EFCAB5: variants seen among roughly 807,000 people sequenced by gnomAD.
EFCAB5 encodes the protein EF-hand calcium binding domain 5.
In EFCAB5, 131 loss-of-function variants were observed where a neutral mutation model predicts 167.9. The observed-to-expected ratio is 0.78, with a 90% CI of 0.68 to 0.90. The LOEUF (loss-of-function observed/expected upper bound fraction) is 0.90. Ranked by LOEUF, EFCAB5 falls within the 40% of genes least tolerant of loss-of-function variation. The probability of loss-of-function intolerance (pLI) is 0.00; values close to 1 mark genes in which losing one functional copy is unlikely to be tolerated. For synonymous variants in EFCAB5, 574 were observed against 602.8 expected, an observed-to-expected ratio of 0.95 and a Z score of 0.70; for missense variants, 1,663 against 1,745.2, an observed-to-expected ratio of 0.95 and a Z score of 0.84.
intron 3 of EFCAB5, among the ~76,000 whole-genome samples, chr17:29,962,844 ACAG>A (rs749652260): frequency 6.6e-6 from 1 of 151,994 alleles, no homozygotes; most frequent in Non-Finnish European, 1.5e-5. Flanking sequence ...ATGATGTTGA[ACAG>A]CAGTGGTGAA....
chr17:30,055,966 G>C lies in EFCAB5; in HGVS notation c.2272+1G>C. On this transcript the variant is annotated splice_donor_variant, in intron 11 of 22. Transcript: ENST00000394835. LOFTEE classifies it high-confidence loss of function. ...AAAATAGAAGGAAAGTCATGGTCAGGTAACTCCTCATTTAATCCTCCTTTC... is the reference window on the plus strand; with the variant it reads ...AAAATAGAAGGAAAGTCATGGTCAGCTAACTCCTCATTTAATCCTCCTTTC... 6.2e-7 allele frequency: 1 copy of C among 1,613,692 alleles called. No homozygotes were observed. The highest frequency in any genetic ancestry group is 1.1e-5 in the South Asian group (1 of 91,032).
chr17:30,021,118 T>C (rs1211058599), intron 7 of EFCAB5, among the ~76,000 whole-genome samples: 1 of 150,998 alleles, frequency 6.6e-6, no homozygotes, highest in African/African-American at 2.5e-5. Context: ...GTATGGTTTG[T>C]CTACATGATA....
At chr17:30,075,342 T>C (rs1389941434) in intron 14 of EFCAB5, among the ~76,000 whole-genome samples, 1 of 152,084 alleles carries the variant, frequency 6.6e-6, no homozygotes, top group Admixed American at 6.5e-5. Context: ...GATCACCCCC[T>C]CCAAGTGGAT....
At chr17:30,096,806 A>C (rs1386908894) in intron 22 of EFCAB5, among the ~76,000 whole-genome samples, 1 of 144,396 alleles carries the variant, frequency 6.9e-6, no homozygotes, top group Non-Finnish European at 1.5e-5. Flanking sequence ...CAGCCTCCCC[A>C]GTAGCTGGGA....
At chr17:30,004,737 C>T (rs2068738903) in intron 7 of EFCAB5, among the ~76,000 whole-genome samples, 1 of 151,026 alleles carries the variant, frequency 6.6e-6, no homozygotes, top group African/African-American at 2.4e-5. Flanking sequence ...TCTCCTGCCT[C>T]AGCCTCCTGA....
intron 4 of EFCAB5, among the ~76,000 whole-genome samples, chr17:29,986,494 A>G (rs571600647): frequency 2.0e-5 from 3 of 152,328 alleles, no homozygotes; most frequent in Non-Finnish European, 4.4e-5. Flanking sequence ...TAATGATTCC[A>G]TAGGAATCGT....
At chr17:30,009,036 G>T (rs1377835358) in intron 7 of EFCAB5, among the ~76,000 whole-genome samples, 4 of 152,020 alleles carry the variant, frequency 2.6e-5, no homozygotes, top group Non-Finnish European at 5.9e-5. Context: ...CTGTCTTTGT[G>T]GTCACATTGC....
chr17:30,046,126 A>T (rs1269036500), intron 8 of EFCAB5, among the ~76,000 whole-genome samples: 1 of 152,202 alleles, frequency 6.6e-6, no homozygotes, highest in African/African-American at 2.4e-5. Context: ...ATTATTGACT[A>T]AGAAATAGTA....
Position 30,090,663 on chromosome 17 carries a change from A to C in EFCAB5, c.3926A>C (p.Lys1309Thr), listed in dbSNP as rs1304268447. ...GAGTTCTCTGGAGAGATAAAGAAAAAATATATCTTAGGTATCGTTCATGTG... is the reference window on the plus strand; with the variant it reads ...GAGTTCTCTGGAGAGATAAAGAAAACATATATCTTAGGTATCGTTCATGTG... ...LGEFSGEIKK[K>T]YILEIENVRE... The change falls in exon 20 of 23, where the codon AAA becomes ACA. Residue 1309 changes from lysine (K) to threonine (T), a missense_variant. Coordinates refer to ENST00000394835, the MANE Select transcript of EFCAB5 (RefSeq NM_198529.4). 1 of 1,612,064 alleles carries C rather than the reference A, an allele frequency of 6.2e-7. No homozygotes were observed. Among genetic ancestry groups the C allele is most frequent in the Non-Finnish European group, 8.5e-7 (1 of 1,179,434 alleles).
At chr17:29,988,548 T>G (rs2068339585) in intron 4 of EFCAB5, among the ~76,000 whole-genome samples, 2 of 152,218 alleles carry the variant, frequency 1.3e-5, no homozygotes. Flanking sequence ...GGTTTAAATT[T>G]AGTTATTTTA....
At chr17:30,031,352 T>C (rs2069474591) in intron 7 of EFCAB5, among the ~76,000 whole-genome samples, 1 of 152,244 alleles carries the variant, frequency 6.6e-6, no homozygotes, top group African/African-American at 2.4e-5. Flanking sequence ...TCTCAGATGA[T>C]GCTGATGCTG....
At chr17:29,967,598 T>C (rs1597593877) in intron 3 of EFCAB5, among the ~76,000 whole-genome samples, 1 of 152,326 alleles carries the variant, frequency 6.6e-6, no homozygotes, top group East Asian at 1.9e-4. Context: ...TTTACATTTT[T>C]CAGAGATCTT....
chr17:30,012,540 A>G (rs1459662616), intron 7 of EFCAB5, among the ~76,000 whole-genome samples: 3 of 152,254 alleles, frequency 2.0e-5, no homozygotes, highest in South Asian at 2.1e-4. Context: ...CATGACCCAC[A>G]TGGCCTTACC....
At chr17:29,992,563 G>T (rs2068444760) in intron 4 of EFCAB5, among the ~76,000 whole-genome samples, 1 of 152,136 alleles carries the variant, frequency 6.6e-6, no homozygotes, top group Non-Finnish European at 1.5e-5. Flanking sequence ...AGCCAAGATG[G>T]TCTTGATCTT....
chr17:30,051,052 G>A lies in EFCAB5; in HGVS notation c.1201-66G>A, dbSNP rs892251172. The A allele has an allele frequency of 7.4e-5, 104 of 1,405,658 alleles. No homozygotes were observed. In the Admixed American group the frequency reaches 1.6e-3, roughly 22 times the overall value. 87.1% of individuals were successfully genotyped at this position (1,405,658 alleles called of 1,614,324 possible). ...GATGATAAAAGCTTCAATAAGCCAC[G>A]TTCCAACTGCATAAAAATCTTAAAT... On this transcript the variant is annotated intron_variant, in intron 8 of 22. Transcript: ENST00000394835.
At chr17:29,934,808 G>A (rs1378219215) in intron 1 of EFCAB5, among the ~76,000 whole-genome samples, 1 of 152,148 alleles carries the variant, frequency 6.6e-6, no homozygotes, top group Non-Finnish European at 1.5e-5. Context: ...ATTTTGGGGG[G>A]CTGCTGAGAA....
At chr17:30,070,534 A>G (rs1299231129) in intron 14 of EFCAB5, among the ~76,000 whole-genome samples, 1 of 152,232 alleles carries the variant, frequency 6.6e-6, no homozygotes, top group Non-Finnish European at 1.5e-5. Flanking sequence ...AGAAATCCAT[A>G]TATTTACAGC....
chr17:30,093,040 G>T, intron 22 of EFCAB5, 104 bp downstream of exon 22: 2 of 765,500 alleles, frequency 2.6e-6, no homozygotes, highest in East Asian at 2.9e-5. Context: ...TCAGTTTTTA[G>T]GAGAAAATAG....
At chr17:29,948,706 G>C (rs2151530197) in intron 3 of EFCAB5, among the ~76,000 whole-genome samples, 1 of 152,142 alleles carries the variant, frequency 6.6e-6, no homozygotes, top group South Asian at 2.1e-4. Context: ...AAAATACTGT[G>C]GTTAAATATA....
Sources: allele counts gnomAD v4.1 joint callset (sites outside exome capture counted in the v4.1 genomes callset), GRCh38; gene constraint gnomAD v4.1.1; transcripts MANE v1.5; gene names NCBI Gene and HGNC (gene_info 2026-07-23, HGNC 2026-07-21).